The following COL23A1 variants were observed in gnomAD, a reference collection of about 807,000 sequenced individuals.
COL23A1 encodes the protein collagen type XXIII alpha 1 chain, also known as collagen alpha-1(XXIII) chain.
COL23A1 carries 97 observed loss-of-function variants against 99.3 expected under a neutral mutation model. The ratio of observed to expected loss-of-function variants is 0.98; its 90% CI spans 0.83 to 1.16. COL23A1 has a LOEUF of 1.16. Among genes scored for constraint, COL23A1 ranks in the 50% most tolerant of loss-of-function variants. COL23A1 has a pLI of 0.00. For synonymous variants in COL23A1, 320 were observed against 308.2 expected (o/e 1.04, Z -0.40); for missense variants, 762 against 757.4 (o/e 1.01, Z -0.07).
chr5:178,576,144 C>T (rs545536299), intron 1 of COL23A1, among the ~76,000 whole-genome samples: 5 of 152,142 alleles, frequency 3.3e-5, no homozygotes, highest in African/African-American at 1.2e-4. Flanking sequence ...GGTGATTTTG[C>T]GAAGGTAGTT....
At chr5:178,519,405 A>G (rs1393365745) in intron 2 of COL23A1, among the ~76,000 whole-genome samples, 1 of 152,182 alleles carries the variant, frequency 6.6e-6, no homozygotes, top group Non-Finnish European at 1.5e-5. Context: ...ATGTGCGTCC[A>G]TGAAGGGTCC....
chr5:178,583,924 C>T lies in COL23A1; in HGVS notation c.294+5980G>A, dbSNP rs148346471. Among the ~76,000 whole-genome samples, 419 of 152,292 alleles carry T rather than the reference C, an allele frequency of 2.8e-3. 2 individuals are homozygous for T. Among genetic ancestry groups the T allele is most frequent in the Non-Finnish European group, 3.7e-3 (249 of 68,020 alleles). ...TGTCACCCAGGCTGGAGTGCAGTGG[C>T]GCAATCATGGCTCACTGCAACCTTA... On this transcript the variant is annotated intron_variant, in intron 1 of 28. Transcript: ENST00000390654.
At chr5:178,372,156 G>C (rs1762832109) in intron 2 of COL23A1, among the ~76,000 whole-genome samples, 1 of 152,228 alleles carries the variant, frequency 6.6e-6, no homozygotes, top group African/African-American at 2.4e-5. Flanking sequence ...TGATGGGGCA[G>C]CAGGGGTGAC....
intron 2 of COL23A1, among the ~76,000 whole-genome samples, chr5:178,362,859 C>G (rs1762246179): frequency 6.6e-6 from 1 of 151,902 alleles, no homozygotes; most frequent in African/African-American, 2.4e-5. Context: ...CCGACCCACC[C>G]TACAGAAGCC....
intron 2 of COL23A1, among the ~76,000 whole-genome samples, chr5:178,321,977 A>G (rs1278137129): frequency 1.4e-5 from 2 of 146,494 alleles, no homozygotes; most frequent in South Asian, 2.2e-4. Context: ...ACCACGCCTG[A>G]CTATTTTTTA....
rs1388605334 is a variant in COL23A1 at position 178,415,608 on chromosome 5, G to A, written c.362-108689C>T. ...TGCTGACTGCTGGCACCAGAGGACAGTGCTGCCCCCATCCCGCCCTGGCTC... is the reference window on the plus strand; with the variant it reads ...TGCTGACTGCTGGCACCAGAGGACAATGCTGCCCCCATCCCGCCCTGGCTC... On this transcript the variant is annotated intron_variant, in intron 2 of 28. Coordinates refer to ENST00000390654, the MANE Select transcript of COL23A1 (RefSeq NM_173465.4). The surrounding 1 kb of genome is among the most constrained non-coding windows in gnomAD (Gnocchi z 4.6). Among the ~76,000 whole-genome samples, 2 of 152,214 alleles carry A rather than the reference G, an allele frequency of 1.3e-5. No individual in the cohort carries two copies. The highest frequency in any genetic ancestry group is 2.9e-5 in the Non-Finnish European group (2 of 68,044).
At chr5:178,514,572 G>A (rs1199821665) in intron 2 of COL23A1, among the ~76,000 whole-genome samples, 4 of 152,184 alleles carry the variant, frequency 2.6e-5, no homozygotes, top group Admixed American at 6.5e-5. Context: ...CACCATACTT[G>A]GTCCACATCC....
chr5:178,435,969 G>A (rs1309421328), intron 2 of COL23A1, among the ~76,000 whole-genome samples: 1 of 152,208 alleles, frequency 6.6e-6, no homozygotes, highest in African/African-American at 2.4e-5. Context: ...CAGCCACACA[G>A]CGGTCATTAC....
At chr5:178,372,444 C>T (rs536047206) in intron 2 of COL23A1, among the ~76,000 whole-genome samples, 108 of 152,276 alleles carry the variant, frequency 7.1e-4, no homozygotes, top group African/African-American at 2.5e-3. Flanking sequence ...GAAGGACAGA[C>T]GATGCCAAAG....
chr5:178,503,911 G>A (rs533946535), intron 2 of COL23A1, among the ~76,000 whole-genome samples: 45 of 152,310 alleles, frequency 3.0e-4, no homozygotes, highest in African/African-American at 1.1e-3. Context: ...GGAGGGGAGG[G>A]TGCGGGCTTC....
intron 2 of COL23A1, among the ~76,000 whole-genome samples, chr5:178,419,712 A>G (rs556124259): frequency 6.6e-6 from 1 of 152,284 alleles, no homozygotes; most frequent in East Asian, 1.9e-4. Flanking sequence ...GTCCTTGTGG[A>G]TGAACCATAA....
intron 2 of COL23A1, among the ~76,000 whole-genome samples, chr5:178,344,184 T>C (rs879524308): frequency 1.3e-5 from 2 of 152,220 alleles, no homozygotes; most frequent in Admixed American, 6.5e-5. Flanking sequence ...CCAAAATCCA[T>C]GGATGCTCAA....
At chr5:178,488,782 A>C (rs568755808) in intron 2 of COL23A1, among the ~76,000 whole-genome samples, 11 of 152,038 alleles carry the variant, frequency 7.2e-5, no homozygotes, top group Non-Finnish European at 1.5e-4. Context: ...ACCAGACGAG[A>C]GTTCTGGAGC....
At chr5:178,358,719 A>G (rs201423223) in intron 2 of COL23A1, among the ~76,000 whole-genome samples, 177 of 102,896 alleles carry the variant, frequency 1.7e-3, no homozygotes, top group African/African-American at 4.2e-3. Context: ...GTATGTGTGT[A>G]TGTGTATGTG....
intron 2 of COL23A1, among the ~76,000 whole-genome samples, chr5:178,464,190 G>A (rs1193756081): frequency 6.6e-6 from 1 of 152,172 alleles, no homozygotes; most frequent in Non-Finnish European, 1.5e-5. Flanking sequence ...AAACTGAAAT[G>A]CTATACCCAT....
intron 2 of COL23A1, among the ~76,000 whole-genome samples, chr5:178,498,249 TATATATATAA>T (rs1392359603): frequency 1.9e-4 from 11 of 57,764 alleles, no homozygotes; most frequent in Non-Finnish European, 2.6e-4. Flanking sequence ...TATATATATA[TATATATATAA>T]AAGAACTTAA....
rs1277049831 is a variant in COL23A1, at chr5:178,281,522, G to T, written c.441+6802C>A. Among the ~76,000 whole-genome samples, 1 of 152,130 alleles carries T rather than the reference G, an allele frequency of 6.6e-6. No homozygotes were observed. The highest frequency in any genetic ancestry group is 1.5e-5 in the Non-Finnish European group (1 of 68,026). The stretch of plus-strand genomic sequence containing the variant: ...CGCTCCCTCGACTCCAGAGGGGCTT[G>T]GGCACGGCGCTCCGGGGCCCAGGAG... On this transcript the variant is annotated intron_variant, in intron 5 of 28. Coordinates refer to ENST00000390654, the MANE Select transcript of COL23A1 (RefSeq NM_173465.4). This position sits in a 1 kb window ranked among gnomAD's most constrained non-coding sequence, Gnocchi z 4.0.
At chr5:178,579,145 AAAAGAATCTT>A (rs1763536554) in intron 1 of COL23A1, among the ~76,000 whole-genome samples, 1 of 152,164 alleles carries the variant, frequency 6.6e-6, no homozygotes, top group East Asian at 1.9e-4. Context: ...TCCCGGTGTT[AAAAGAATCTT>A]AAAGTCAGCC....
rs147829199 is a variant in COL23A1, at chr5:178,258,716, A to G, written c.729+1005T>C. Among the ~76,000 whole-genome samples the G allele has an allele frequency of 3.8e-3, 574 of 149,924 alleles. 9 individuals are homozygous for G. The highest frequency in any genetic ancestry group is 0.013 in the African/African-American group (540 of 40,728). ...GGTCTGGTTTTTTTTGGTTTTTGAG[A>G]CAAGGTCTCGCGCTGTTATCCAGGC... On this transcript the variant is annotated intron_variant, in intron 12 of 28. Coordinates refer to ENST00000390654, the MANE Select transcript of COL23A1 (RefSeq NM_173465.4).
Sources: allele counts gnomAD v4.1 joint callset (sites outside exome capture counted in the v4.1 genomes callset), GRCh38; gene constraint gnomAD v4.1.1; non-coding constraint Gnocchi (gnomAD v3.1); transcripts MANE v1.5; gene names NCBI Gene and HGNC (gene_info 2026-07-23, HGNC 2026-07-21).